Variants in NRXN1 observed in about 807,000 individuals in gnomAD.
NRXN1 encodes neurexin-1.
In NRXN1, 39 loss-of-function variants were observed where a neutral mutation model predicts 150.9. The observed-to-expected ratio is 0.26, with a 90% CI of 0.20 to 0.34. NRXN1 has a LOEUF of 0.34. NRXN1 is among the 10% of genes least tolerant of loss of function. NRXN1 has a pLI of 1.00. For synonymous variants in NRXN1, 924 were observed against 757.0 expected, an observed-to-expected ratio of 1.22 and a Z score of -3.62; for missense variants, 1,815 against 1,949.9, an observed-to-expected ratio of 0.93 and a Z score of 1.30.
intron 5 of NRXN1, among the ~76,000 whole-genome samples, chr2:50,808,483 A>G (rs767592685): frequency 2.0e-5 from 3 of 152,108 alleles, no homozygotes; most frequent in East Asian, 3.9e-4. Context: ...TGCAAAAAAA[A>G]AGAGAAACTA....
chr2:50,703,367 G>A (rs983041917), intron 5 of NRXN1, among the ~76,000 whole-genome samples: 1 of 152,090 alleles, frequency 6.6e-6, no homozygotes, highest in African/African-American at 2.4e-5. Flanking sequence ...ACTGACCTCT[G>A]CACCAGGTAT....
intron 17 of NRXN1, among the ~76,000 whole-genome samples, chr2:50,442,010 C>T (rs1235439932): frequency 6.6e-6 from 1 of 152,180 alleles, no homozygotes; most frequent in Admixed American, 6.5e-5. Context: ...CCAGTGAAGT[C>T]TCTCTAGTCA....
intron 2 of NRXN1, among the ~76,000 whole-genome samples, chr2:51,002,009 C>T (rs139464088): frequency 1.2e-4 from 18 of 152,054 alleles, no homozygotes; most frequent in Non-Finnish European, 5.9e-5. Context: ...GATAAGTTTC[C>T]CTAATTTATT....
chr2:51,015,009 C>A (rs1668446285), intron 2 of NRXN1, among the ~76,000 whole-genome samples: 1 of 151,472 alleles, frequency 6.6e-6, no homozygotes. Flanking sequence ...TTATTCTTGT[C>A]TTTTCCTTCC....
intron 5 of NRXN1, among the ~76,000 whole-genome samples, chr2:50,732,889 T>G (rs1310043013): frequency 6.6e-6 from 1 of 152,194 alleles, no homozygotes; most frequent in African/African-American, 2.4e-5. Flanking sequence ...AAGTTTGATC[T>G]TAGTAGACTT....
At chr2:50,901,338 A>T (rs1682904895) in intron 5 of NRXN1, among the ~76,000 whole-genome samples, 1 of 152,064 alleles carries the variant, frequency 6.6e-6, no homozygotes, top group African/African-American at 2.4e-5. Context: ...GATCGAGACC[A>T]TCCTGGCTAA....
intron 5 of NRXN1, among the ~76,000 whole-genome samples, chr2:50,692,944 G>T (rs908002647): frequency 6.6e-6 from 1 of 152,176 alleles, no homozygotes; most frequent in African/African-American, 2.4e-5. Context: ...AATGTGGGAA[G>T]ACACAACACT....
chr2:50,744,523 T>C (rs1262470110), intron 5 of NRXN1, among the ~76,000 whole-genome samples: 3 of 152,176 alleles, frequency 2.0e-5, no homozygotes, highest in Non-Finnish European at 2.9e-5. Context: ...CTTGTATATA[T>C]ACATAGTTTT....
At chr2:50,447,479 CAAAAAAAAAAA>C (rs35878890) in intron 17 of NRXN1, among the ~76,000 whole-genome samples, 1 of 38,552 alleles carries the variant, frequency 2.6e-5, no homozygotes, top group Admixed American at 3.9e-4. Context: ...GACTCTGTCT[CAAAAAAAAAAA>C]AAAAAAAAAA....
chr2:51,005,171 C>G (rs1332072437), intron 2 of NRXN1, among the ~76,000 whole-genome samples: 1 of 151,948 alleles, frequency 6.6e-6, no homozygotes, highest in Admixed American at 6.6e-5. Flanking sequence ...AACTCTCCCT[C>G]TTTTATTCCT....
At chr2:50,446,294 T>C (rs2086394406) in intron 17 of NRXN1, among the ~76,000 whole-genome samples, 1 of 152,178 alleles carries the variant, frequency 6.6e-6, no homozygotes, top group African/African-American at 2.4e-5. Context: ...CTGGCTTTTA[T>C]TTTATATCTA....
At chr2:50,031,392 C>T (rs1689157116) in intron 21 of NRXN1, among the ~76,000 whole-genome samples, 1 of 151,826 alleles carries the variant, frequency 6.6e-6, no homozygotes, top group Admixed American at 6.6e-5. Context: ...AATTATCTTG[C>T]TTATTACTTA....
intron 5 of NRXN1, among the ~76,000 whole-genome samples, chr2:50,804,763 T>C (rs192753616): frequency 6.6e-6 from 1 of 152,340 alleles, no homozygotes; most frequent in African/African-American, 2.4e-5. Flanking sequence ...CAAAAGCTTT[T>C]TCTTCTACCT....
At chr2:50,327,824 A>G (rs1367780214) in intron 17 of NRXN1, among the ~76,000 whole-genome samples, 1 of 151,748 alleles carries the variant, frequency 6.6e-6, no homozygotes, top group Non-Finnish European at 1.5e-5. Context: ...TAATTTTTGT[A>G]TTTTTAGTAG....
At chr2:50,765,541 G>A (rs773374995) in intron 5 of NRXN1, among the ~76,000 whole-genome samples, 1 of 152,064 alleles carries the variant, frequency 6.6e-6, no homozygotes, top group Non-Finnish European at 1.5e-5. Context: ...ATGAACCGTA[G>A]GCTAGTGAGC....
intron 21 of NRXN1, chr2:49,974,154 C>T (rs1678489154): frequency 1.4e-6 from 1 of 712,944 alleles, no homozygotes; most frequent in East Asian, 2.7e-5. Flanking sequence ...GCGCATCAGC[C>T]CGGCCTATCA....
intron 5 of NRXN1, among the ~76,000 whole-genome samples, chr2:50,755,032 A>G (rs1206574802): frequency 6.6e-6 from 1 of 151,806 alleles, no homozygotes; most frequent in Admixed American, 6.6e-5. Flanking sequence ...TTGCCTTTCT[A>G]GAATCAACTT....
At chr2:50,001,308 T>C (rs1683883132) in intron 21 of NRXN1, among the ~76,000 whole-genome samples, 1 of 152,182 alleles carries the variant, frequency 6.6e-6, no homozygotes, top group Non-Finnish European at 1.5e-5. Context: ...ATAGTATTTA[T>C]AACTGCTTAC....
rs1253654832 is a variant in NRXN1 at position 50,978,289 on chromosome 2, TATATATATATATATATAA to T, written c.772+49195_772+49212del. ...TATTATACATATATATATATATATA[TATATATATATATATATAA>T]AATATATATATTATAGATAGATTTG... On this transcript the variant is annotated intron_variant, in intron 2 of 22. Coordinates refer to ENST00000401669, the MANE Select transcript of NRXN1 (RefSeq NM_001330078.2). Among the ~76,000 whole-genome samples the T allele has an allele frequency of 2.2e-5, 3 of 134,612 alleles. No homozygotes were observed. In the East Asian group the frequency reaches 6.4e-4, roughly 29 times the overall value. 88.3% of individuals were successfully genotyped at this position (134,612 alleles called of 152,430 possible). A position where few individuals can be genotyped will look rare whatever the true frequency, so the allele number is the denominator to read the frequency against.
Sources: allele counts gnomAD v4.1 joint callset (sites outside exome capture counted in the v4.1 genomes callset), GRCh38; gene constraint gnomAD v4.1.1; transcripts MANE v1.5; gene names NCBI Gene and HGNC (gene_info 2026-07-23, HGNC 2026-07-21).